Variants in MECOM observed in about 807,000 individuals in gnomAD.
MECOM encodes the protein histone-lysine N-methyltransferase MECOM.
Under a neutral mutation model 116.3 loss-of-function variants are expected in MECOM, and 13 were observed. The ratio of observed to expected loss-of-function variants is 0.11; its 90% CI spans 0.07 to 0.18. The LOEUF (loss-of-function observed/expected upper bound fraction) is 0.18, where lower values mean the gene tolerates loss of function less well. MECOM is among the 10% of genes least tolerant of loss of function. The pLI is 1.00. For missense variants in MECOM, 1,299 were observed against 1,509.0 expected, an observed-to-expected ratio of 0.86 and a Z score of 2.31; for synonymous variants, 528 against 535.2, an observed-to-expected ratio of 0.99 and a Z score of 0.19.
intron 2 of MECOM, among the ~76,000 whole-genome samples, chr3:169,193,673 T>A (rs1057174631): frequency 1.3e-5 from 2 of 151,946 alleles, no homozygotes; most frequent in Non-Finnish European, 2.9e-5. Context: ...TAAAAAATAT[T>A]TAATTCTCAA....
At chr3:169,387,290 G>C (rs892136975) in intron 1 of MECOM, among the ~76,000 whole-genome samples, 8 of 152,134 alleles carry the variant, frequency 5.3e-5, no homozygotes, top group African/African-American at 1.9e-4. Flanking sequence ...TTATTTGAGC[G>C]CCTGTGAACG....
chr3:169,231,590 G>A (rs1427743413), intron 2 of MECOM, among the ~76,000 whole-genome samples: 3 of 152,004 alleles, frequency 2.0e-5, no homozygotes, highest in African/African-American at 7.2e-5. Flanking sequence ...TCCCTACTGA[G>A]GAAATGATAT....
chr3:169,457,126 A>T (rs1215330258), intron 1 of MECOM, among the ~76,000 whole-genome samples: 3 of 152,132 alleles, frequency 2.0e-5, no homozygotes, highest in African/African-American at 7.2e-5. Flanking sequence ...TGTTCTCCAC[A>T]GCTAAAACCA....
intron 10 of MECOM, among the ~76,000 whole-genome samples, chr3:169,107,716 A>G (rs1313026960): frequency 6.6e-6 from 1 of 152,230 alleles, no homozygotes; most frequent in Non-Finnish European, 1.5e-5. Flanking sequence ...ATCGAATAAA[A>G]TCATTCTGTA....
chr3:169,348,882 G>A (rs960624194), intron 2 of MECOM, among the ~76,000 whole-genome samples: 3 of 151,896 alleles, frequency 2.0e-5, no homozygotes, highest in African/African-American at 7.2e-5. Flanking sequence ...ACCTCCCCCT[G>A]CCCTCATGTC....
Position 169,115,693 on chromosome 3 carries a change from G to C in MECOM, c.2179C>G (p.Pro727Ala). 2 of 1,614,124 alleles carry C rather than the reference G, an allele frequency of 1.2e-6. No individual in the cohort carries two copies. Among genetic ancestry groups the C allele is most frequent in the Non-Finnish European group, 1.7e-6 (2 of 1,180,016 alleles). Reference protein sequence around the residue: ...SLPLKMEPQSPGEVKKLQKGS... With the variant: ...SLPLKMEPQSAGEVKKLQKGS... ...TTCTGCAGTTTCTTTACTTCACCTG[G>C]TGATTGGGGTTCCATTTTCAAAGGT... Residue 727 changes from proline (P) to alanine (A), a missense_variant, in exon 8 of 17, where the codon CCA (proline) becomes GCA (alanine). Physicochemically the swap from Pro to Ala is conservative, Grantham distance 27 (BLOSUM62 -1). Coordinates refer to ENST00000651503, the MANE Select transcript of MECOM (RefSeq NM_004991.4).
intron 1 of MECOM, among the ~76,000 whole-genome samples, chr3:169,662,053 G>T (rs1051285760): frequency 2.6e-5 from 4 of 152,224 alleles, no homozygotes; most frequent in African/African-American, 9.6e-5. Flanking sequence ...TTGGACAAAC[G>T]CAGTCCTGTC....
chr3:169,148,648 G>A (rs538175030), intron 2 of MECOM, among the ~76,000 whole-genome samples: 17 of 152,288 alleles, frequency 1.1e-4, no homozygotes, highest in African/African-American at 3.6e-4. Flanking sequence ...GGCAAGAGGG[G>A]CTGGAAAGTG....
chr3:169,095,303 C>A, intron 12 of MECOM, 58 bp from the exon 13 acceptor site: 1 of 1,446,150 alleles, frequency 6.9e-7, no homozygotes, highest in Non-Finnish European at 9.3e-7. Context: ...TTTCTCAAGA[C>A]TAGTTAGCCA....
intron 2 of MECOM, among the ~76,000 whole-genome samples, chr3:169,179,888 C>T (rs368989960): frequency 1.1e-4 from 16 of 152,136 alleles, no homozygotes; most frequent in African/African-American, 3.6e-4. Context: ...ATGTTATCTG[C>T]TGAGTCCCCT....
chr3:169,149,200 T>C (rs1740715099), intron 2 of MECOM, among the ~76,000 whole-genome samples: 1 of 151,988 alleles, frequency 6.6e-6, no homozygotes, highest in Non-Finnish European at 1.5e-5. Context: ...TAAATACAAG[T>C]AATCTGGGGA....
chr3:169,583,852 G>A (rs1354970992), intron 1 of MECOM, among the ~76,000 whole-genome samples: 4 of 150,784 alleles, frequency 2.7e-5, no homozygotes, highest in Admixed American at 1.3e-4. Flanking sequence ...CAATTCTCCT[G>A]CCTTGGCTTC....
chr3:169,381,138 T>G (rs1560201907), intron 2 of MECOM, 49 bp downstream of exon 2: 1 of 1,493,756 alleles, frequency 6.7e-7, no homozygotes, highest in East Asian at 2.3e-5. Flanking sequence ...CAATCTCTTC[T>G]TTACACAGCT....
chr3:169,577,473 CTT>C (rs5854339), intron 1 of MECOM, among the ~76,000 whole-genome samples: 234 of 147,384 alleles, frequency 1.6e-3, no homozygotes, highest in African/African-American at 3.0e-3. Context: ...GAAAAGTTGC[CTT>C]TTTTTTTTTT....
chr3:169,114,986 AT>A, intron 8 of MECOM, among the ~76,000 whole-genome samples: 1 of 152,254 alleles, frequency 6.6e-6, no homozygotes, highest in East Asian at 1.9e-4. Context: ...TTGCTGTTAG[AT>A]ATCCCCCCCA....
chr3:169,483,943 A>T (rs1751763934), intron 1 of MECOM: 5 of 1,606,802 alleles, frequency 3.1e-6, no homozygotes, highest in Non-Finnish European at 4.3e-6. Flanking sequence ...AACTGCTCAA[A>T]ATTGGCAGCA....
chr3:169,281,436 C>A (rs1711976723), intron 2 of MECOM, among the ~76,000 whole-genome samples: 1 of 152,122 alleles, frequency 6.6e-6, no homozygotes, highest in Non-Finnish European at 1.5e-5. Context: ...AAAGCATGAT[C>A]CCAGATAGAT....
chr3:169,291,493 C>T (rs1282506733), intron 2 of MECOM, among the ~76,000 whole-genome samples: 3 of 152,150 alleles, frequency 2.0e-5, no homozygotes, highest in South Asian at 4.1e-4. Flanking sequence ...TTCAGAAATG[C>T]TCAATCCTCT....
At chr3:169,441,728 CTTTTT>C (rs774825326) in intron 1 of MECOM, among the ~76,000 whole-genome samples, 1 of 123,456 alleles carries the variant, frequency 8.1e-6, no homozygotes, top group Non-Finnish European at 1.9e-5. Flanking sequence ...TTCTTCTCTT[CTTTTT>C]TTTTTTTTTT....
Sources: allele counts gnomAD v4.1 joint callset (sites outside exome capture counted in the v4.1 genomes callset), GRCh38; gene constraint gnomAD v4.1.1; transcripts MANE v1.5; gene names NCBI Gene and HGNC (gene_info 2026-07-23, HGNC 2026-07-21).